The following ADAMTS2 variants were observed in gnomAD, a reference collection of about 807,000 sequenced individuals.
ADAMTS2 encodes ADAM metallopeptidase with thrombospondin type 1 motif 2.
Under a neutral mutation model 123.0 loss-of-function variants are expected in ADAMTS2, and 50 were observed. The observed-to-expected ratio is 0.41, with a 90% confidence interval of 0.32 to 0.51. The LOEUF is 0.51. Among genes scored for constraint, ADAMTS2 ranks in the 20% least tolerant of loss-of-function variants. The pLI is 0.35. For synonymous variants in ADAMTS2, 678 were observed against 695.4 expected, an observed-to-expected ratio of 0.98 and a Z score of 0.39; for missense variants, 1,494 against 1,705.2, an observed-to-expected ratio of 0.88 and a Z score of 2.18.
chr5:179,141,400 A>G (rs367842528), intron 10 of ADAMTS2, among the ~76,000 whole-genome samples: 1 of 152,212 alleles, frequency 6.6e-6, no homozygotes, highest in East Asian at 1.9e-4. Context: ...TTTATTTTGT[A>G]AACTTTATTT....
At position 179,319,442 on chromosome 5, in the gene ADAMTS2, G is replaced by A. The variant is rs112361027; in HGVS notation, c.534+24325C>T. Among the ~76,000 whole-genome samples the A allele has an allele frequency of 1.9e-3, 282 of 151,826 alleles. 1 individual carries two copies. Among genetic ancestry groups the A allele is most frequent in the East Asian group, 0.013 (64 of 5,094 alleles). Reference sequence around the variant, plus strand: ...AAGCACATGCATTATACATGCACACGCCCACACATGTGCACACATGCATGA... The same window carrying A: ...AAGCACATGCATTATACATGCACACACCCACACATGTGCACACATGCATGA... On this transcript the variant is annotated intron_variant, in intron 2 of 21. Transcript: ENST00000251582.
chr5:179,191,638 G>A (rs1464608596), intron 4 of ADAMTS2, among the ~76,000 whole-genome samples: 1 of 150,888 alleles, frequency 6.6e-6, no homozygotes. Flanking sequence ...AGCTGCCGGG[G>A]TGGGGGGCGG....
At chr5:179,149,419 G>A (rs1017895347) in intron 10 of ADAMTS2, among the ~76,000 whole-genome samples, 1 of 152,230 alleles carries the variant, frequency 6.6e-6, no homozygotes, top group Non-Finnish European at 1.5e-5. Flanking sequence ...CGGTATTTCT[G>A]TTAGAGCAGC....
intron 17 of ADAMTS2, among the ~76,000 whole-genome samples, chr5:179,127,500 G>C (rs1231972242): frequency 1.3e-5 from 2 of 152,092 alleles, no homozygotes; most frequent in Non-Finnish European, 2.9e-5. Flanking sequence ...AGACTCTCTG[G>C]GGTCCAGAGT....
chr5:179,136,875 C>A (rs1763075366), intron 12 of ADAMTS2, among the ~76,000 whole-genome samples: 1 of 151,406 alleles, frequency 6.6e-6, no homozygotes, highest in African/African-American at 2.4e-5. Context: ...GAGGCTGAGG[C>A]AGGAGAATAG....
Position 179,170,440 on chromosome 5 carries a change from G to C in ADAMTS2, c.975+10632C>G, listed in dbSNP as rs550621042. 6.9e-4 allele frequency among the ~76,000 whole-genome samples: 105 copies of C among 152,210 alleles called. 1 individual carries two copies. The highest frequency in any genetic ancestry group is 1.4e-3 in the Non-Finnish European group (94 of 68,020). On this transcript the variant is annotated intron_variant, in intron 5 of 21. Coordinates refer to ENST00000251582, the MANE Select transcript of ADAMTS2 (RefSeq NM_014244.5). This position sits in a 1 kb window ranked among gnomAD's most constrained non-coding sequence, Gnocchi z 4.3. The stretch of plus-strand genomic sequence containing the variant: ...CCCCCTCCTGACTGCCATCGCCTTG[G>C]TTTTGCCATGCTAAAATTCTTCTAG...
At chr5:179,292,465 A>G (rs1251586620) in intron 2 of ADAMTS2, among the ~76,000 whole-genome samples, 3 of 152,034 alleles carry the variant, frequency 2.0e-5, no homozygotes, top group African/African-American at 7.2e-5. Flanking sequence ...GCAGACAGTG[A>G]GCAAATGTGT....
intron 2 of ADAMTS2, among the ~76,000 whole-genome samples, chr5:179,338,098 C>A (rs1333615619): frequency 6.6e-6 from 1 of 152,208 alleles, no homozygotes; most frequent in Admixed American, 6.5e-5. Context: ...TTTACCAGTG[C>A]CAGAAACATA....
rs535124000 is a variant in ADAMTS2 at position 179,159,580 on chromosome 5, C to A, written c.976-701G>T. On this transcript the variant is annotated intron_variant, in intron 5 of 21. Transcript: ENST00000251582. ...CTATGCATGGGAAGCCCCCGGGAACCATCCCATTCCATTTTGTATCATGAC... is the reference window on the plus strand; with the variant it reads ...CTATGCATGGGAAGCCCCCGGGAACAATCCCATTCCATTTTGTATCATGAC... Among the ~76,000 whole-genome samples the A allele has an allele frequency of 3.0e-4, 46 of 152,292 alleles. No homozygotes were observed. The South Asian group carries it at 9.3e-3, about 31-fold the overall frequency.
rs1297481995 is a variant in ADAMTS2, at chr5:179,154,046, C to T, written c.1382+3G>A. 5 of 1,599,922 alleles carry T rather than the reference C, an allele frequency of 3.1e-6. No homozygotes were observed. The South Asian group carries it at 4.5e-5, about 14-fold the overall frequency. On this transcript the variant is annotated splice_donor_region_variant and intron_variant, in intron 8 of 21. Transcript: ENST00000251582. The stretch of plus-strand genomic sequence containing the variant: ...GCCCACGGGGCACATGGGCAGTACT[C>T]ACTGCAGGTAGCGGCTCAGCTCCTG...
At chr5:179,198,494 T>C (rs555168859) in intron 4 of ADAMTS2, among the ~76,000 whole-genome samples, 13 of 152,264 alleles carry the variant, frequency 8.5e-5, no homozygotes, top group African/African-American at 3.1e-4. Context: ...ACCAGACTCA[T>C]CCCAGGGTTG....
chr5:179,171,988 C>G (rs1422153182), intron 5 of ADAMTS2, among the ~76,000 whole-genome samples: 1 of 152,152 alleles, frequency 6.6e-6, no homozygotes, highest in East Asian at 1.9e-4. Context: ...GTCCACTGAG[C>G]CCTCGGGGCC....
At chr5:179,255,668 A>G (rs904530407) in intron 3 of ADAMTS2, among the ~76,000 whole-genome samples, 4 of 152,134 alleles carry the variant, frequency 2.6e-5, no homozygotes, top group African/African-American at 7.2e-5. Context: ...CCTGAGGTAG[A>G]GCCGTCTCCC....
At chr5:179,159,977 C>G (rs956278393) in intron 5 of ADAMTS2, among the ~76,000 whole-genome samples, 2 of 152,138 alleles carry the variant, frequency 1.3e-5, no homozygotes, top group Non-Finnish European at 2.9e-5. Context: ...CTCCAAACAC[C>G]GAAGTAGTTC....
intron 18 of ADAMTS2, 24 bp from the exon 19 acceptor site, chr5:179,125,204 G>C: frequency 3.1e-6 from 5 of 1,608,836 alleles, no homozygotes; most frequent in Non-Finnish European, 4.2e-6. Context: ...GCGGGGCACA[G>C]TCAGGCTTCC....
chr5:179,170,091 T>C lies in ADAMTS2; in HGVS notation c.975+10981A>G, dbSNP rs1370505213. Among the ~76,000 whole-genome samples, 2 of 152,198 alleles carry C rather than the reference T, an allele frequency of 1.3e-5. No homozygotes were observed. The highest frequency in any genetic ancestry group is 2.4e-5 in the African/African-American group (1 of 41,448). ...CTGGCTGGTGGTATATTGTATAAAATAAGATCATCTCTTTTCTTCTGCTTT... is the reference window on the plus strand; with the variant it reads ...CTGGCTGGTGGTATATTGTATAAAACAAGATCATCTCTTTTCTTCTGCTTT... On this transcript the variant is annotated intron_variant, in intron 5 of 21. Coordinates refer to ENST00000251582, the MANE Select transcript of ADAMTS2 (RefSeq NM_014244.5). The surrounding 1 kb of genome is among the most constrained non-coding windows in gnomAD (Gnocchi z 4.3).
intron 4 of ADAMTS2, among the ~76,000 whole-genome samples, chr5:179,200,313 A>G (rs2098788652): frequency 7.6e-6 from 1 of 131,904 alleles, no homozygotes; most frequent in South Asian, 2.3e-4. Flanking sequence ...CAGTGGCGTC[A>G]CCTCAGCTCA....
chr5:179,345,401 A>C lies in ADAMTS2; in HGVS notation c.-73T>G. 5.8e-6 allele frequency: 6 copies of C among 1,043,102 alleles called. No individual in the cohort carries two copies. Among genetic ancestry groups the C allele is most frequent in the East Asian group, 7.0e-5 (1 of 14,202 alleles). The allele number at this position is 1,043,102 out of a possible 1,614,324, so 64.6% of individuals were successfully genotyped here. ...GTTCCCCGCGAGCCGCCCAGCCCAC[A>C]TCTGGGGGCAGCTGGAGCCGCCCGC... On this transcript the variant is annotated 5_prime_UTR_variant, in exon 1 of 22. An upstream start codon of the reference 5' UTR is lost. Transcript: ENST00000251582. The surrounding 1 kb of genome is among the most constrained non-coding windows in gnomAD (Gnocchi z 7.5).
At position 179,180,232 on chromosome 5, in the gene ADAMTS2, T is replaced by A. The variant is rs1764016256; in HGVS notation, c.975+840A>T. Among the ~76,000 whole-genome samples, 1 of 152,188 alleles carries A rather than the reference T, an allele frequency of 6.6e-6. No homozygotes were observed. Among genetic ancestry groups the A allele is most frequent in the Admixed American group, 6.5e-5 (1 of 15,282 alleles). ...CTTCCTCTGTCTGCACAGCATCCCG[T>A]GTTGCCATCCCAGGTCACTGTCCCT... On this transcript the variant is annotated intron_variant, in intron 5 of 21. Coordinates refer to ENST00000251582, the MANE Select transcript of ADAMTS2 (RefSeq NM_014244.5). This position sits in a 1 kb window ranked among gnomAD's most constrained non-coding sequence, Gnocchi z 4.6.
Sources: gnomAD v4.1 joint callset for allele counts (sites outside exome capture counted in the v4.1 genomes callset) on GRCh38, gnomAD v4.1.1 for gene constraint, Gnocchi (gnomAD v3.1) non-coding constraint, MANE v1.5 for transcripts, NCBI Gene and HGNC (gene_info 2026-07-23, HGNC 2026-07-21) for gene names.